Variants in MACC1 observed in about 807,000 individuals in gnomAD.
The protein encoded by MACC1 is MET transcriptional regulator MACC1, also known as metastasis-associated in colon cancer protein 1.
Under a neutral mutation model 70.7 loss-of-function variants are expected in MACC1, and 79 were observed. The observed-to-expected ratio is 1.12, with a 90% CI of 0.93 to 1.35. The LOEUF (loss-of-function observed/expected upper bound fraction) is 1.35. Ranked by LOEUF, MACC1 falls within the 40% of genes most tolerant of loss-of-function variation. The pLI, the probability that MACC1 is intolerant of heterozygous loss-of-function variation, is 0.00. For missense variants in MACC1, 1,106 were observed against 978.1 expected (o/e 1.13, Z -1.74); for synonymous variants, 361 against 347.2 (o/e 1.04, Z -0.44).
chr7:20,158,635 C>A lies in MACC1; in HGVS notation c.1726G>T (p.Asp576Tyr), dbSNP rs746708741. 1 of 1,614,016 alleles carries A rather than the reference C, an allele frequency of 6.2e-7. No homozygotes were observed. The highest frequency in any genetic ancestry group is 1.7e-5 in the Admixed American group (1 of 60,006). Residue 576 changes from aspartate to tyrosine, a missense_variant, in exon 5 of 7, where the codon GAC becomes TAC. Transcript: ENST00000400331. ...IDYFLEYFKG[D>Y]TIALLGEGKV... ...CCTTCCCCGAGGAGAGCTATTGTGT[C>A]CCCTTTGAAATATTCAAGGAAGTAA...
intron 1 of MACC1, among the ~76,000 whole-genome samples, chr7:20,199,624 T>A (rs774776694): frequency 1.3e-5 from 2 of 152,102 alleles, no homozygotes; most frequent in Non-Finnish European, 2.9e-5. Context: ...AATAAGGAAG[T>A]CTTCAAATGA....
At chr7:20,164,599 C>A (rs1398014459) in intron 2 of MACC1, among the ~76,000 whole-genome samples, 200 bp from the exon 3 acceptor site, 2 of 152,104 alleles carry the variant, frequency 1.3e-5, no homozygotes, top group South Asian at 2.1e-4. Flanking sequence ...GAAACTACAT[C>A]GAAAAAATGG....
chr7:20,186,906 T>G (rs1224304125), intron 1 of MACC1, among the ~76,000 whole-genome samples: 1 of 152,170 alleles, frequency 6.6e-6, no homozygotes, highest in Non-Finnish European at 1.5e-5. Flanking sequence ...TAGGAGAGTA[T>G]AGTAAGAAGA....
rs757465488 is a variant in MACC1 at position 20,158,294 on chromosome 7, T to A, written c.2067A>T (p.Glu689Asp). 6.2e-7 allele frequency: 1 copy of A among 1,613,412 alleles called. No homozygotes were observed. Among genetic ancestry groups the A allele is most frequent in the South Asian group, 1.1e-5 (1 of 90,902 alleles). The change falls in exon 5 of 7, where the codon GAA (glutamate) becomes GAT (aspartate). Residue 689 changes from glutamate to aspartate, a missense_variant. Glu to Asp is a conservative substitution (Grantham distance 45). Transcript: ENST00000400331. ...EDFDQIQADK[E>D]SEKVSYVIKK... The stretch of plus-strand genomic sequence containing the variant: ...TTATAACATAAGAAACTTTCTCTGA[T>A]TCTTTGTCTGCTTGAATTTGATCAA...
In MACC1 at chr7:20,217,324, T is replaced by C. The variant is rs890076492; in HGVS notation, c.-243A>G. 3.3e-5 allele frequency: 5 copies of C among 152,246 alleles called. No individual in the cohort carries two copies. The highest frequency in any genetic ancestry group is 1.2e-4 in the African/African-American group (5 of 41,462). 9.4% of individuals were successfully genotyped at this position (152,246 alleles called of 1,614,324 possible). On this transcript the variant is annotated 5_prime_UTR_variant, in exon 1 of 7. Coordinates refer to ENST00000400331, the MANE Select transcript of MACC1 (RefSeq NM_182762.4). Reference sequence around the variant, plus strand: ...ATTTGTGGAAGTGAGCCCAAGCTTCTTCAGTTCAGACACATGGTTTTAGTG... The same window carrying C: ...ATTTGTGGAAGTGAGCCCAAGCTTCCTCAGTTCAGACACATGGTTTTAGTG...
chr7:20,205,625 A>G (rs1782900157), intron 1 of MACC1, among the ~76,000 whole-genome samples: 1 of 151,966 alleles, frequency 6.6e-6, no homozygotes, highest in South Asian at 2.1e-4. Flanking sequence ...TGCTTTGACC[A>G]TTCTTCCCTG....
chr7:20,204,275 C>A (rs879622469), intron 1 of MACC1, among the ~76,000 whole-genome samples: 1 of 152,122 alleles, frequency 6.6e-6, no homozygotes, highest in Non-Finnish European at 1.5e-5. Context: ...CTGCCTCAGC[C>A]TCCAGAGCAG....
At chr7:20,188,105 G>A (rs1367466936) in intron 1 of MACC1, among the ~76,000 whole-genome samples, 1 of 152,080 alleles carries the variant, frequency 6.6e-6, no homozygotes, top group African/African-American at 2.4e-5. Context: ...AAGATCTCCT[G>A]ACAACTCACT....
intron 1 of MACC1, among the ~76,000 whole-genome samples, chr7:20,186,546 T>A (rs1323143398): frequency 6.6e-6 from 1 of 151,866 alleles, no homozygotes; most frequent in African/African-American, 2.4e-5. Context: ...GGAAAATTAG[T>A]CTATTATAGT....
At chr7:20,171,253 TTC>T (rs1236293705) in intron 1 of MACC1, among the ~76,000 whole-genome samples, 2 of 96,224 alleles carry the variant, frequency 2.1e-5, no homozygotes, top group African/African-American at 1.1e-4. Flanking sequence ...TTATTTTATT[TTC>T]TTTTTTTTTT....
intron 6 of MACC1, among the ~76,000 whole-genome samples, chr7:20,150,143 AATATT>A (rs554436350): frequency 4.9e-4 from 75 of 152,332 alleles, no homozygotes; most frequent in African/African-American, 1.8e-3. Context: ...ACTTTTAAGA[AATATT>A]ATAACAATTC....
intron 2 of MACC1, among the ~76,000 whole-genome samples, chr7:20,165,895 T>C (rs939745081): frequency 6.6e-6 from 1 of 152,170 alleles, no homozygotes; most frequent in Non-Finnish European, 1.5e-5. Flanking sequence ...TATTTTACTA[T>C]TTAAACTAGG....
chr7:20,183,029 C>A (rs761353475), intron 1 of MACC1, among the ~76,000 whole-genome samples: 10 of 152,188 alleles, frequency 6.6e-5, no homozygotes, highest in Non-Finnish European at 8.8e-5. Context: ...TGACTCTCAA[C>A]CATGTCAATC....
chr7:20,158,216 A>G lies in MACC1; in HGVS notation c.2145T>C (p.Tyr715=). ...HTERNTRKFL[Y]ELIVALLKMD... ...AAGCAATACTCACCACAATAAGTTC[A>G]TACAGAAACTTCCTTGTATTTCTCT... The change falls in exon 5 of 7, where the codon TAT becomes TAC. Residue 715 remains tyrosine, a synonymous_variant. Coordinates refer to ENST00000400331, the MANE Select transcript of MACC1 (RefSeq NM_182762.4). 6.3e-7 allele frequency: 1 copy of G among 1,577,178 alleles called. No homozygotes were observed. Among genetic ancestry groups the G allele is most frequent in the Non-Finnish European group, 8.6e-7 (1 of 1,167,836 alleles).
chr7:20,209,185 C>G (rs1782958129), intron 1 of MACC1, among the ~76,000 whole-genome samples: 4 of 152,236 alleles, frequency 2.6e-5, no homozygotes. Context: ...ATAGTCCGCT[C>G]TGGGGCACTG....
chr7:20,140,637 G>A lies in MACC1; in HGVS notation c.*309C>T. On this transcript the variant is annotated 3_prime_UTR_variant, in exon 7 of 7. Transcript: ENST00000400331. ...CTTTTCTTTTTTCTTTCCTTTCTAA[G>A]AACAAAGCAGCCTAATACTTGTATT... 1 of 252,738 alleles carries A rather than the reference G, an allele frequency of 4.0e-6. No homozygotes were observed. Among genetic ancestry groups the A allele is most frequent in the Non-Finnish European group, 7.4e-6 (1 of 134,616 alleles). 15.7% of individuals were successfully genotyped at this position (252,738 alleles called of 1,614,324 possible). A position where few individuals can be genotyped will look rare whatever the true frequency, so the allele number is the denominator to read the frequency against.
At chr7:20,179,678 G>GT (rs113752619) in intron 1 of MACC1, among the ~76,000 whole-genome samples, 70,222 of 151,718 alleles carry the variant, frequency 0.46, 17,559 homozygotes, top group East Asian at 0.85. Context: ...AGGAGTTGTT[G>GT]TTTTTTTTGT....
intron 6 of MACC1, among the ~76,000 whole-genome samples, chr7:20,147,022 C>T (rs1211392348): frequency 6.6e-6 from 1 of 152,156 alleles, no homozygotes; most frequent in Admixed American, 6.5e-5. Flanking sequence ...ATTTAACATA[C>T]AAAGTTGAGC....
At chr7:20,179,677 T>TG (rs913512748) in intron 1 of MACC1, among the ~76,000 whole-genome samples, 5 of 112,328 alleles carry the variant, frequency 4.5e-5, no homozygotes, top group East Asian at 7.8e-4. Flanking sequence ...CAGGAGTTGT[T>TG]GTTTTTTTTG....
Sources: allele counts gnomAD v4.1 joint callset (sites outside exome capture counted in the v4.1 genomes callset), GRCh38; gene constraint gnomAD v4.1.1; transcripts MANE v1.5; gene names NCBI Gene and HGNC (gene_info 2026-07-23, HGNC 2026-07-21).